SPOCK3: variants seen among roughly 807,000 people sequenced by gnomAD.
SPOCK3 encodes the protein SPARC (osteonectin), cwcv and kazal like domains proteoglycan 3.
SPOCK3 carries 30 observed loss-of-function variants against 56.6 expected under a neutral mutation model. That is an observed-to-expected ratio of 0.53 (90% confidence interval 0.40 to 0.72). The LOEUF (loss-of-function observed/expected upper bound fraction) is 0.72. Ranked by LOEUF, SPOCK3 falls within the 30% of genes least tolerant of loss-of-function variation. The probability of loss-of-function intolerance (pLI) is 0.00; values close to 1 mark genes in which losing one functional copy is unlikely to be tolerated. For missense variants in SPOCK3, 527 were observed against 530.0 expected (o/e 0.99, Z 0.06); for synonymous variants, 196 against 183.3 (o/e 1.07, Z -0.56).
intron 3 of SPOCK3, among the ~76,000 whole-genome samples, chr4:167,032,195 G>A (rs564508079): frequency 3.3e-5 from 5 of 152,042 alleles, no homozygotes; most frequent in South Asian, 4.1e-4. Context: ...TGAGAGAGGG[G>A]TAGTATATGA....
chr4:166,822,147 C>T (rs1426400729), intron 6 of SPOCK3, among the ~76,000 whole-genome samples: 2 of 151,330 alleles, frequency 1.3e-5, no homozygotes, highest in African/African-American at 4.8e-5. Flanking sequence ...CATATCAGTG[C>T]TTATCTCACA....
chr4:166,799,142 C>T (rs1197279798), intron 6 of SPOCK3, among the ~76,000 whole-genome samples: 1 of 152,192 alleles, frequency 6.6e-6, no homozygotes, highest in Non-Finnish European at 1.5e-5. Context: ...AATAAACACA[C>T]ACTGCCTGTG....
intron 7 of SPOCK3, among the ~76,000 whole-genome samples, chr4:166,763,677 C>T (rs1737555404): frequency 6.6e-6 from 1 of 150,970 alleles, no homozygotes; most frequent in Admixed American, 6.7e-5. Flanking sequence ...GTAGTGTACT[C>T]TGGTAAGTTT....
chr4:167,195,968 T>C (rs1732910338), intron 2 of SPOCK3, among the ~76,000 whole-genome samples: 1 of 152,250 alleles, frequency 6.6e-6, no homozygotes, highest in South Asian at 2.1e-4. Flanking sequence ...ATTGCTGATG[T>C]CACTCTCAAA....
At chr4:167,120,535 T>G (rs986390661) in intron 2 of SPOCK3, among the ~76,000 whole-genome samples, 1 of 152,030 alleles carries the variant, frequency 6.6e-6, no homozygotes, top group African/African-American at 2.4e-5. Flanking sequence ...TTTGGAAAAA[T>G]AAATAATTCG....
intron 7 of SPOCK3, among the ~76,000 whole-genome samples, chr4:166,756,219 C>G (rs1737054659): frequency 7.9e-5 from 1 of 12,720 alleles, no homozygotes. Flanking sequence ...TATCCCACAC[C>G]TGGCTCGGAG....
chr4:167,037,719 G>GT (rs1694821015), intron 3 of SPOCK3, among the ~76,000 whole-genome samples: 1 of 152,138 alleles, frequency 6.6e-6, no homozygotes, highest in Admixed American at 6.5e-5. Context: ...ATAGATGAAT[G>GT]TGTCACCTAG....
At chr4:167,000,757 C>T (rs932171135) in intron 3 of SPOCK3, among the ~76,000 whole-genome samples, 1 of 152,050 alleles carries the variant, frequency 6.6e-6, no homozygotes, top group African/African-American at 2.4e-5. Flanking sequence ...GTTGCTACTG[C>T]CTTCTAAGCA....
chr4:167,126,625 C>CA (rs34354987), intron 2 of SPOCK3, among the ~76,000 whole-genome samples: 82,024 of 147,102 alleles, frequency 0.56, 22,507 homozygotes, highest in East Asian at 0.68. Context: ...CCCTGCAATA[C>CA]AAAAAAAAAA....
chr4:167,211,655 G>A (rs1734889387), intron 2 of SPOCK3, among the ~76,000 whole-genome samples: 1 of 152,180 alleles, frequency 6.6e-6, no homozygotes, highest in African/African-American at 2.4e-5. Context: ...CTGCCACCAT[G>A]TGAGACATGC....
intron 4 of SPOCK3, among the ~76,000 whole-genome samples, chr4:166,963,280 T>C (rs1305977025): frequency 6.6e-6 from 1 of 151,972 alleles, no homozygotes; most frequent in Admixed American, 6.6e-5. Context: ...AAAAAATCCA[T>C]GTGATTTGAA....
intron 2 of SPOCK3, among the ~76,000 whole-genome samples, chr4:167,141,060 G>A (rs961731381): frequency 3.3e-5 from 5 of 151,950 alleles, no homozygotes; most frequent in Admixed American, 1.3e-4. Context: ...GCTGACCCCA[G>A]AGGAGTTGGC....
chr4:167,027,465 A>ATATATAAT (rs1188709782), intron 3 of SPOCK3, among the ~76,000 whole-genome samples: 2 of 151,942 alleles, frequency 1.3e-5, no homozygotes, highest in Non-Finnish European at 2.9e-5. Context: ...ATTTAATAGT[A>ATATATAAT]TATATAATTA....
intron 4 of SPOCK3, among the ~76,000 whole-genome samples, chr4:166,995,346 G>A (rs1340575665): frequency 6.6e-6 from 1 of 151,898 alleles, no homozygotes. Context: ...ATCAAACAAT[G>A]TTATACTAAT....
chr4:166,885,879 ACT>A (rs750895539), intron 6 of SPOCK3, among the ~76,000 whole-genome samples: 4 of 152,112 alleles, frequency 2.6e-5, no homozygotes, highest in Non-Finnish European at 5.9e-5. Flanking sequence ...TGATCTTTTG[ACT>A]CTAACCAGTG....
chr4:166,734,798 A>G lies in SPOCK3; in HGVS notation c.*123T>C, dbSNP rs1734051806. On this transcript the variant is annotated 3_prime_UTR_variant, in exon 11 of 11. Transcript: ENST00000357545. ...AACTTTAGCTGCAATTTTTCAAATA[A>G]TTATACAAAATATATGTGAGGTTTA... 1.8e-5 allele frequency: 15 copies of G among 844,094 alleles called. No homozygotes were observed. The highest frequency in any genetic ancestry group is 2.3e-5 in the Non-Finnish European group (13 of 570,058). The allele number at this position is 844,094 out of a possible 1,614,324, so 52.3% of individuals were successfully genotyped here.
At chr4:166,986,107 T>G (rs1747130642) in intron 4 of SPOCK3, among the ~76,000 whole-genome samples, 1 of 152,170 alleles carries the variant, frequency 6.6e-6, no homozygotes, top group Non-Finnish European at 1.5e-5. Flanking sequence ...AAAAACAAAG[T>G]AAAATGCTGG....
In SPOCK3 at chr4:167,071,207, G is replaced by T. The variant is rs575025419; in HGVS notation, c.190-8670C>A. Among the ~76,000 whole-genome samples, 10 of 151,898 alleles carry T rather than the reference G, an allele frequency of 6.6e-5. No individual in the cohort carries two copies. The South Asian group carries it at 1.0e-3, about 16-fold the overall frequency. On this transcript the variant is annotated intron_variant, in intron 2 of 10. Coordinates refer to ENST00000357545, the MANE Select transcript of SPOCK3 (RefSeq NM_001040159.2). ...CATTTATGTCAGAGAAAGACACAAA[G>T]AAATACTTTGCCTCAATAAATAAAT...
rs565524682 is a variant in SPOCK3 at position 166,937,393 on chromosome 4, ATATAT to A, written c.351-24655_351-24651del. 2.1e-3 allele frequency among the ~76,000 whole-genome samples: 317 copies of A among 149,972 alleles called. 3 individuals carry two copies. Among genetic ancestry groups the A allele is most frequent in the African/African-American group, 7.2e-3 (294 of 41,002 alleles). ...TATACATATATATACACACACACGT[ATATAT>A]TATATGTTATATATAATTATAATTT... On this transcript the variant is annotated intron_variant, in intron 4 of 10. Coordinates refer to ENST00000357545, the MANE Select transcript of SPOCK3 (RefSeq NM_001040159.2).
Sources: allele counts gnomAD v4.1 joint callset (sites outside exome capture counted in the v4.1 genomes callset), GRCh38; gene constraint gnomAD v4.1.1; transcripts MANE v1.5; gene names NCBI Gene and HGNC (gene_info 2026-07-23, HGNC 2026-07-21).